The following MKKS variants were observed in gnomAD, a reference collection of about 807,000 sequenced individuals.
The protein encoded by MKKS is MKKS centrosomal shuttling protein.
A neutral mutation model predicts 33.2 loss-of-function variants in MKKS; 29 were observed. The ratio of observed to expected loss-of-function variants is 0.87; its 90% CI spans 0.65 to 1.19. The LOEUF (loss-of-function observed/expected upper bound fraction) is 1.19, where lower values mean the gene tolerates loss of function less well. MKKS is among the 50% of genes most tolerant of loss of function. The pLI, the probability that MKKS is intolerant of heterozygous loss-of-function variation, is 0.00. For missense variants in MKKS, 661 were observed against 662.3 expected, an observed-to-expected ratio of 1.00 and a Z score of 0.02; for synonymous variants, 260 against 244.0, an observed-to-expected ratio of 1.07 and a Z score of -0.61.
chr20:10,427,078 AC>A (rs2065020860), intron 1 of MKKS, among the ~76,000 whole-genome samples: 1 of 144,206 alleles, frequency 6.9e-6, no homozygotes, highest in African/African-American at 2.5e-5. Context: ...ACACACACAC[AC>A]AAAGTAAGGT....
At chr20:10,410,606 C>T (rs183236507) in intron 3 of MKKS, among the ~76,000 whole-genome samples, 14 of 152,136 alleles carry the variant, frequency 9.2e-5, no homozygotes, top group Admixed American at 5.9e-4. Flanking sequence ...CCAGCCTGGG[C>T]GATAGAGTGA....
intron 1 of MKKS, among the ~76,000 whole-genome samples, chr20:10,427,365 G>C (rs2065022810): frequency 1.3e-5 from 2 of 152,114 alleles, no homozygotes; most frequent in African/African-American, 2.4e-5. Context: ...TGAAAAAATT[G>C]TAATTTTTAA....
chr20:10,401,878 A>T lies in MKKS; in HGVS notation c.*3369T>A, dbSNP rs1322105747. Reference sequence around the variant, plus strand: ...TGCTTCAGTCTAACAGTTGACTTACAATGTCTAACATATAAAGACTCTCTA... The same window carrying T: ...TGCTTCAGTCTAACAGTTGACTTACTATGTCTAACATATAAAGACTCTCTA... On this transcript the variant is annotated 3_prime_UTR_variant, in exon 6 of 6. Coordinates refer to ENST00000347364, the MANE Select transcript of MKKS (RefSeq NM_170784.3). 2 of 152,344 alleles carry T rather than the reference A, an allele frequency of 1.3e-5. No individual in the cohort carries two copies. Among genetic ancestry groups the T allele is most frequent in the South Asian group, 2.1e-4 (1 of 4,828 alleles). 9.4% of individuals were successfully genotyped at this position (152,344 alleles called of 1,614,324 possible). A position where few individuals can be genotyped will look rare whatever the true frequency, so the allele number is the denominator to read the frequency against.
In MKKS at chr20:10,413,487, A is replaced by G. The variant is rs763946181; in HGVS notation, c.28T>C (p.Ser10Pro). 6.2e-7 allele frequency: 1 copy of G among 1,614,232 alleles called. No individual in the cohort carries two copies. The highest frequency in any genetic ancestry group is 2.2e-5 in the East Asian group (1 of 44,890). The change falls in exon 3 of 6, where the codon TCA becomes CCA. Residue 10 changes from serine to proline, a missense_variant. Physicochemically the swap from Ser to Pro is moderately conservative, Grantham distance 74 (BLOSUM62 -1). Transcript: ENST00000347364. MSRLEAKKP[S>P]LCKSEPLTTE... is the part of the protein sequence containing the mutation. ...GTCAGTGGTTCACTCTTACACAATG[A>G]TGGCTTCTTAGCTTCCAAACGAGAC... is the stretch of plus-strand genomic sequence containing the variant.
At chr20:10,407,198 A>G (rs1382088786) in intron 5 of MKKS, among the ~76,000 whole-genome samples, 1 of 152,212 alleles carries the variant, frequency 6.6e-6, no homozygotes, top group Non-Finnish European at 1.5e-5. Context: ...TATTCTGTAG[A>G]AACTTGGCCC....
intron 4 of MKKS, 50 bp from the exon 5 acceptor site, chr20:10,407,776 A>G: frequency 7.3e-7 from 1 of 1,371,342 alleles, no homozygotes; most frequent in East Asian, 2.4e-5. Context: ...TCATATTAAC[A>G]CACAAAAAAT....
intron 5 of MKKS, among the ~76,000 whole-genome samples, chr20:10,406,872 A>AT (rs952025605): frequency 6.6e-6 from 1 of 152,150 alleles, no homozygotes; most frequent in African/African-American, 2.4e-5. Flanking sequence ...CTTCAAAGAG[A>AT]TTCTAAGTTA....
At position 10,405,533 on chromosome 20, in the gene MKKS, T is replaced by C; in HGVS notation, c.1427A>G (p.His476Arg). 1 of 1,614,204 alleles carries C rather than the reference T, an allele frequency of 6.2e-7. No homozygotes were observed. The highest frequency in any genetic ancestry group is 8.5e-7 in the Non-Finnish European group (1 of 1,180,040). ...GEILTDMKYG[H>R]LWSVQADSPC... is the part of the protein sequence containing the mutation. ...AGAATCTGCCTGAACTGACCAAAGGTGTCCATACTTCATGTCAGTGAGAAT... is the reference window on the plus strand; with the variant it reads ...AGAATCTGCCTGAACTGACCAAAGGCGTCCATACTTCATGTCAGTGAGAAT... Residue 476 changes from histidine to arginine, a missense_variant, in exon 6 of 6, where the codon CAC becomes CGC. By Grantham distance (29) the His-to-Arg change is conservative (BLOSUM62 0). Coordinates refer to ENST00000347364, the MANE Select transcript of MKKS (RefSeq NM_170784.3).
At chr20:10,424,646 T>G (rs1203125114) in intron 1 of MKKS, among the ~76,000 whole-genome samples, 1 of 152,244 alleles carries the variant, frequency 6.6e-6, no homozygotes, top group African/African-American at 2.4e-5. Flanking sequence ...ATGTGTTATT[T>G]ATTTTGTTTA....
rs144313303 is a variant in MKKS at position 10,407,619 on chromosome 20, G to A, written c.1269C>T (p.His423=). 1.9e-5 allele frequency: 31 copies of A among 1,612,078 alleles called. No individual in the cohort carries two copies. Among genetic ancestry groups the A allele is most frequent in the Non-Finnish European group, 2.5e-5 (29 of 1,178,340 alleles). ...TETHLAAYIR[H]KTHNDPESIL... is the part of the protein sequence containing the mutation. ...CGAAGAGGATTATCTTACATACCTT[G>A]TGTCTGATATATGCAGCCAAATGAG... is the stretch of plus-strand genomic sequence containing the variant. Residue 423 remains histidine, a synonymous_variant, in exon 5 of 6, where the codon CAC becomes CAT. Coordinates refer to ENST00000347364, the MANE Select transcript of MKKS (RefSeq NM_170784.3).
At chr20:10,425,741 A>G (rs2065010389) in intron 1 of MKKS, among the ~76,000 whole-genome samples, 1 of 152,240 alleles carries the variant, frequency 6.6e-6, no homozygotes, top group Admixed American at 6.5e-5. Flanking sequence ...AAAATAAGTT[A>G]GTGTTTGATG....
At chr20:10,430,959 G>A (rs2065050147) in intron 1 of MKKS, among the ~76,000 whole-genome samples, 1 of 152,132 alleles carries the variant, frequency 6.6e-6, no homozygotes, top group African/African-American at 2.4e-5. Context: ...GAGAATCAAA[G>A]TCTAACCTCC....
In MKKS at chr20:10,405,346, G is replaced by A; in HGVS notation, c.1614C>T (p.Thr538=). ...HEAVGSASNL[T]LDCLTAKLSG... ...TAAGCTTTGCAGTCAAACAGTCCAAGGTCAGGTTGCTGGCTGAGCCCACAG... is the reference window on the plus strand; with the variant it reads ...TAAGCTTTGCAGTCAAACAGTCCAAAGTCAGGTTGCTGGCTGAGCCCACAG... Residue 538 remains threonine (T), a synonymous_variant, in exon 6 of 6, where the codon ACC becomes ACT. Coordinates refer to ENST00000347364, the MANE Select transcript of MKKS (RefSeq NM_170784.3). 6.2e-7 allele frequency: 1 copy of A among 1,614,176 alleles called. No individual in the cohort carries two copies. The highest frequency in any genetic ancestry group is 8.5e-7 in the Non-Finnish European group (1 of 1,180,026).
chr20:10,420,790 C>A (rs997172999), intron 1 of MKKS, 32 bp from the exon 2 acceptor site: 3 of 152,182 alleles, frequency 2.0e-5, no homozygotes, highest in Non-Finnish European at 2.9e-5. Flanking sequence ...AGGAAAAAAA[C>A]CACTAAAACC....
chr20:10,405,600 G>C lies in MKKS; in HGVS notation c.1360C>G (p.Leu454Val). ...TCTAAAGAGCCAACAACAGATTCTA[G>C]GGCACTGCAAAATGCTTCAGCAATT... ...QLIAEAFCSA[L>V]ESVVGSLEHD... is the part of the protein sequence containing the mutation. The change falls in exon 6 of 6, where the codon CTA becomes GTA. Residue 454 changes from leucine (L) to valine (V), a missense_variant. Leu to Val is a conservative substitution (Grantham distance 32, BLOSUM62 1). Coordinates refer to ENST00000347364, the MANE Select transcript of MKKS (RefSeq NM_170784.3). 1 of 1,614,106 alleles carries C rather than the reference G, an allele frequency of 6.2e-7. No individual in the cohort carries two copies. Among genetic ancestry groups the C allele is most frequent in the East Asian group, 2.2e-5 (1 of 44,886 alleles).
chr20:10,431,842 ATTC>A (rs1453443350), intron 1 of MKKS: 1 of 152,218 alleles, frequency 6.6e-6, no homozygotes, highest in Non-Finnish European at 1.5e-5. Flanking sequence ...AGGATGGCTT[ATTC>A]TTCTGCTTCA....
chr20:10,417,095 C>CA (rs1195762174), intron 2 of MKKS, among the ~76,000 whole-genome samples: 1 of 151,712 alleles, frequency 6.6e-6, no homozygotes. Flanking sequence ...TAAAAAAATA[C>CA]AAAAAACTAG....
chr20:10,405,632 A>G lies in MKKS; in HGVS notation c.1328T>C (p.Leu443Pro). 6.2e-7 allele frequency: 1 copy of G among 1,614,172 alleles called. No individual in the cohort carries two copies. The highest frequency in any genetic ancestry group is 8.5e-7 in the Non-Finnish European group (1 of 1,180,004). Reference protein sequence around the residue: ...LKDDECTQTELQLIAEAFCSA... With the variant: ...LKDDECTQTEPQLIAEAFCSA... ...GCAAAATGCTTCAGCAATTAATTGA[A>G]GTTCTGTTTGAGTACATTCATCATC... Residue 443 changes from leucine (L) to proline (P), a missense_variant, in exon 6 of 6, where the codon CTT becomes CCT. Coordinates refer to ENST00000347364, the MANE Select transcript of MKKS (RefSeq NM_170784.3).
At position 10,413,103 on chromosome 20, in the gene MKKS, A is replaced by G; in HGVS notation, c.412T>C (p.Cys138Arg). 2 of 1,614,080 alleles carry G rather than the reference A, an allele frequency of 1.2e-6. No homozygotes were observed. Among genetic ancestry groups the G allele is most frequent in the Non-Finnish European group, 1.7e-6 (2 of 1,180,036 alleles). ...ISYLKSETCG[C>R]RIPVDFSSTQ... is the part of the protein sequence containing the mutation. ...CTACTAAAGTCCACTGGGATTCGAC[A>G]ACCACAGGTCTCAGACTTGAGATAA... is the stretch of plus-strand genomic sequence containing the variant. The change falls in exon 3 of 6, where the codon TGT becomes CGT. Residue 138 changes from cysteine to arginine, a missense_variant. Physicochemically the swap from Cys to Arg is radical, Grantham distance 180. Coordinates refer to ENST00000347364, the MANE Select transcript of MKKS (RefSeq NM_170784.3).
Sources: allele counts gnomAD v4.1 joint callset (sites outside exome capture counted in the v4.1 genomes callset), GRCh38; gene constraint gnomAD v4.1.1; transcripts MANE v1.5; gene names NCBI Gene and HGNC (gene_info 2026-07-23, HGNC 2026-07-21).